Variants in TTC28 observed in about 807,000 individuals in gnomAD.
The protein encoded by TTC28 is tetratricopeptide repeat domain 28.
In TTC28, 61 loss-of-function variants were observed where a neutral mutation model predicts 198.0. The observed-to-expected ratio is 0.31, with a 90% CI of 0.25 to 0.38. The LOEUF is 0.38. TTC28 is among the 10% of genes least tolerant of loss of function. The pLI is 1.00. For missense variants in TTC28, 2,678 were observed against 3,164.0 expected (o/e 0.85, Z 3.69); for synonymous variants, 1,171 against 1,297.8 (o/e 0.90, Z 2.10).
At chr22:28,626,528 A>G (rs1254394067) in intron 2 of TTC28, among the ~76,000 whole-genome samples, 1 of 152,114 alleles carries the variant, frequency 6.6e-6, no homozygotes, top group East Asian at 1.9e-4. Context: ...TTCACCAGAT[A>G]TACATTTATA....
At chr22:28,219,186 G>C (rs936029881) in intron 5 of TTC28, among the ~76,000 whole-genome samples, 1 of 151,786 alleles carries the variant, frequency 6.6e-6, no homozygotes, top group Non-Finnish European at 1.5e-5. Flanking sequence ...GTCTTGCTTT[G>C]CTCACTTAAC....
intron 5 of TTC28, among the ~76,000 whole-genome samples, chr22:28,208,910 T>A (rs1269822746): frequency 1.3e-5 from 2 of 152,090 alleles, no homozygotes; most frequent in Non-Finnish European, 2.9e-5. Context: ...AGGGTCAATC[T>A]CCAATCATTC....
At chr22:28,356,733 G>A (rs2046082509) in intron 2 of TTC28, among the ~76,000 whole-genome samples, 1 of 151,346 alleles carries the variant, frequency 6.6e-6, no homozygotes, top group South Asian at 2.1e-4. Flanking sequence ...GGTAGGCACA[G>A]GGGAGTGGGC....
chr22:28,040,317 A>G (rs1939567779), intron 12 of TTC28, among the ~76,000 whole-genome samples: 1 of 152,208 alleles, frequency 6.6e-6, no homozygotes, highest in Non-Finnish European at 1.5e-5. Flanking sequence ...TCCCTGATGA[A>G]CATCAGTGCG....
intron 12 of TTC28, among the ~76,000 whole-genome samples, chr22:28,032,637 T>C (rs1939182175): frequency 6.6e-6 from 1 of 152,074 alleles, no homozygotes; most frequent in South Asian, 2.1e-4. Flanking sequence ...ATATCTAAGG[T>C]GACAGAGGTT....
chr22:28,181,710 C>T (rs1923718775), intron 5 of TTC28, among the ~76,000 whole-genome samples: 1 of 152,084 alleles, frequency 6.6e-6, no homozygotes, highest in Non-Finnish European at 1.5e-5. Flanking sequence ...TTGACACCTC[C>T]TCCAGGATAC....
chr22:28,285,548 G>A (rs1484310078), intron 5 of TTC28, among the ~76,000 whole-genome samples: 1 of 152,068 alleles, frequency 6.6e-6, no homozygotes, highest in Non-Finnish European at 1.5e-5. Flanking sequence ...TGAAAGAATG[G>A]ATCTTCAGTG....
At chr22:28,343,185 C>T (rs117472323) in intron 2 of TTC28, among the ~76,000 whole-genome samples, 3,329 of 151,946 alleles carry the variant, frequency 0.022, 57 homozygotes, top group Middle Eastern at 0.037. Context: ...TAAAACACAA[C>T]GGAGATTAGA....
intron 2 of TTC28, among the ~76,000 whole-genome samples, chr22:28,464,688 G>C (rs1321832733): frequency 6.6e-6 from 1 of 152,078 alleles, no homozygotes. Context: ...TTCTCGCTCA[G>C]TATCAGGACT....
intron 2 of TTC28, among the ~76,000 whole-genome samples, chr22:28,513,060 A>C (rs890361058): frequency 6.7e-6 from 1 of 149,402 alleles, no homozygotes; most frequent in South Asian, 2.1e-4. Flanking sequence ...GCTCACTGTA[A>C]ACTCAAAAGC....
Position 28,163,299 on chromosome 22 carries a change from T to G in TTC28, c.1234A>C (p.Lys412Gln). Reference sequence around the variant, plus strand: ...ACATAGTTATGGTAAGACATGGCCTTGTCAAAGTTCCTCCGGTAGTGATAG... The same window carrying G: ...ACATAGTTATGGTAAGACATGGCCTGGTCAAAGTTCCTCCGGTAGTGATAG... The part of the protein sequence containing the change: ...SAYHYRRNFD[K>Q]AMSYHNYVLE... The change falls in exon 6 of 23, where the codon AAG (lysine) becomes CAG (glutamine). Residue 412 changes from lysine (K) to glutamine (Q), a missense_variant. Physicochemically the swap from Lys to Gln is moderately conservative, Grantham distance 53 (BLOSUM62 1). This residue lies in a region of TTC28 where 775 missense variants were observed against 845.9 expected (regional missense o/e 0.92). Transcript: ENST00000397906. The G allele has an allele frequency of 6.4e-7, 1 of 1,552,024 alleles. No homozygotes were observed. Among genetic ancestry groups the G allele is most frequent in the East Asian group, 2.4e-5 (1 of 40,908 alleles).
rs1451354193 is a variant in TTC28 at position 28,591,028 on chromosome 22, CACACACACACACATATATAT to C, written c.381+38504_381+38523del. Among the ~76,000 whole-genome samples, 21 of 77,340 alleles carry C rather than the reference CACACACACACACATATATAT, an allele frequency of 2.7e-4. No homozygotes were observed. In the South Asian group the frequency reaches 3.5e-3, roughly 13 times the overall value. The allele number at this position is 77,340 out of a possible 152,430, so 50.7% of individuals were successfully genotyped here. ...CCTCAAACACACACACACACACACA[CACACACACACACATATATAT>C]ATATATATATATATATATATATATA... On this transcript the variant is annotated intron_variant, in intron 2 of 22. Coordinates refer to ENST00000397906, the MANE Select transcript of TTC28 (RefSeq NM_001145418.2).
chr22:28,071,737 A>G (rs535901246), intron 12 of TTC28, among the ~76,000 whole-genome samples: 46 of 149,298 alleles, frequency 3.1e-4, no homozygotes, highest in African/African-American at 1.0e-3. Flanking sequence ...GTATAATAAA[A>G]AAAAAAAAAG....
intron 5 of TTC28, among the ~76,000 whole-genome samples, chr22:28,201,751 C>CAAAAAAAAAAAAAAAA (rs34790960): frequency 1.5e-3 from 119 of 80,970 alleles, no homozygotes; most frequent in African/African-American, 5.8e-3. Flanking sequence ...TTACAGAAAG[C>CAAAAAAAAAAAAAAAA]AAAAAAAAAA....
chr22:28,012,180 C>A (rs957489564), intron 14 of TTC28, among the ~76,000 whole-genome samples: 2 of 152,208 alleles, frequency 1.3e-5, no homozygotes, highest in African/African-American at 4.8e-5. Flanking sequence ...GTTTATATTT[C>A]TTCCTCCAAG....
chr22:28,367,096 G>T (rs773631890), intron 2 of TTC28, among the ~76,000 whole-genome samples: 33 of 151,958 alleles, frequency 2.2e-4, no homozygotes, highest in Non-Finnish European at 4.3e-4. Context: ...AGACATAATA[G>T]ATATTTACAT....
At chr22:28,427,122 T>C (rs560280060) in intron 2 of TTC28, among the ~76,000 whole-genome samples, 1 of 152,238 alleles carries the variant, frequency 6.6e-6, no homozygotes, top group East Asian at 1.9e-4. Flanking sequence ...GTGAGAAAAA[T>C]ACTTTGCCAC....
intron 2 of TTC28, among the ~76,000 whole-genome samples, chr22:28,414,482 C>T (rs981550199): frequency 2.6e-5 from 4 of 151,924 alleles, no homozygotes; most frequent in African/African-American, 9.7e-5. Context: ...GAGTTGAAAA[C>T]TGCAGCAGAG....
chr22:28,548,880 C>T (rs1237149214), intron 2 of TTC28, among the ~76,000 whole-genome samples: 2 of 152,160 alleles, frequency 1.3e-5, no homozygotes, highest in African/African-American at 4.8e-5. Flanking sequence ...TCCTTTAGGG[C>T]TTGTTCAAGT....
Sources: gnomAD v4.1 joint callset for allele counts (sites outside exome capture counted in the v4.1 genomes callset) on GRCh38, gnomAD v4.1.1 for gene constraint, gnomAD v4.1.1 regional missense constraint, MANE v1.5 for transcripts, NCBI Gene and HGNC (gene_info 2026-07-23, HGNC 2026-07-21) for gene names.